LARGE1: variants seen among roughly 807,000 people sequenced by gnomAD.
The protein encoded by LARGE1 is xylosyl- and glucuronyltransferase LARGE1.
In LARGE1, 43 loss-of-function variants were observed where a neutral mutation model predicts 87.6. The observed-to-expected ratio is 0.49, with a 90% CI of 0.38 to 0.63. The LOEUF is 0.63. Among genes scored for constraint, LARGE1 ranks in the 30% least tolerant of loss-of-function variants. The pLI is 0.00. For synonymous variants in LARGE1, 434 were observed against 394.6 expected (o/e 1.10, Z -1.18); for missense variants, 802 against 1,000.2 (o/e 0.80, Z 2.67).
intron 2 of LARGE1, among the ~76,000 whole-genome samples, chr22:33,738,244 G>A (rs2083732434): frequency 6.6e-6 from 1 of 152,188 alleles, no homozygotes; most frequent in Non-Finnish European, 1.5e-5. Context: ...CCCAACCCAG[G>A]TGTGCTCAAA....
chr22:33,537,115 G>A (rs1360327128), intron 6 of LARGE1, among the ~76,000 whole-genome samples: 2 of 152,178 alleles, frequency 1.3e-5, no homozygotes, highest in Non-Finnish European at 2.9e-5. Flanking sequence ...CCAGTGAAAG[G>A]CCATTTAAAG....
chr22:33,920,841 C>A (rs1353334931), upstream of LARGE1, among the ~76,000 whole-genome samples: 1 of 144,764 alleles, frequency 6.9e-6, no homozygotes, highest in Non-Finnish European at 1.5e-5. Flanking sequence ...CGCGGGCAGC[C>A]GGGCGCCGCT....
intron 2 of LARGE1, among the ~76,000 whole-genome samples, chr22:33,715,819 T>C (rs2149420405): frequency 6.6e-6 from 1 of 152,290 alleles, no homozygotes; most frequent in East Asian, 1.9e-4. Flanking sequence ...GCTCACAGGA[T>C]CACAGACATC....
chr22:33,904,270 CT>C (rs2065369650), intron 1 of LARGE1, among the ~76,000 whole-genome samples: 1 of 152,154 alleles, frequency 6.6e-6, no homozygotes, highest in Admixed American at 6.5e-5. Context: ...ATTCTCCTGC[CT>C]CAGCCTCCTG....
At chr22:33,354,370 T>G (rs1275050656) in intron 9 of LARGE1, among the ~76,000 whole-genome samples, 1 of 152,172 alleles carries the variant, frequency 6.6e-6, no homozygotes, top group Non-Finnish European at 1.5e-5. Context: ...AAAATTACAG[T>G]CTTCACTTAA....
intron 2 of LARGE1, among the ~76,000 whole-genome samples, chr22:33,755,763 C>T (rs1015029586): frequency 6.6e-5 from 10 of 152,140 alleles, no homozygotes; most frequent in African/African-American, 2.4e-4. Context: ...ACAGTCCTAC[C>T]CAGGGAACAT....
intron 6 of LARGE1, among the ~76,000 whole-genome samples, chr22:33,508,329 C>G (rs1297915025): frequency 6.6e-6 from 1 of 152,206 alleles, no homozygotes; most frequent in Non-Finnish European, 1.5e-5. Context: ...CTGCCAACTT[C>G]AAGGAGCACA....
At chr22:33,771,459 C>T (rs931788671) in intron 1 of LARGE1, among the ~76,000 whole-genome samples, 2 of 152,154 alleles carry the variant, frequency 1.3e-5, no homozygotes, top group African/African-American at 4.8e-5. Context: ...AATGCTACTG[C>T]CTTTCTCTAG....
At chr22:33,893,821 A>G (rs1057108320) in intron 1 of LARGE1, among the ~76,000 whole-genome samples, 5 of 152,204 alleles carry the variant, frequency 3.3e-5, no homozygotes, top group Non-Finnish European at 5.9e-5. Context: ...ACGTTTAACC[A>G]TGAACTCTAA....
intron 2 of LARGE1, among the ~76,000 whole-genome samples, chr22:33,697,903 C>A (rs1268434038): frequency 2.0e-5 from 3 of 152,148 alleles, no homozygotes; most frequent in Non-Finnish European, 4.4e-5. Flanking sequence ...GTTTCTTAGG[C>A]AGCACAAAGA....
At chr22:33,159,435 C>T (rs992809749), downstream of LARGE1, among the ~76,000 whole-genome samples, 1 of 151,822 alleles carries the variant, frequency 6.6e-6, no homozygotes, top group African/African-American at 2.4e-5. Context: ...ATTTAAGGTC[C>T]CTAGTGTGCA....
At chr22:33,487,042 G>A (rs1214381648) in intron 6 of LARGE1, among the ~76,000 whole-genome samples, 2 of 152,204 alleles carry the variant, frequency 1.3e-5, no homozygotes, top group African/African-American at 4.8e-5. Context: ...ATGAGTGACT[G>A]CAGCCTAAGT....
the LARGE1 span, among the ~76,000 whole-genome samples, chr22:33,104,883 T>TTC: frequency 1.1e-3 from 55 of 48,854 alleles, no homozygotes; most frequent in South Asian, 2.1e-3. Context: ...TCAATAGACT[T>TTC]TCTCTCTCTT....
chr22:33,445,026 C>T (rs1050701535), intron 6 of LARGE1, among the ~76,000 whole-genome samples: 4 of 152,240 alleles, frequency 2.6e-5, no homozygotes, highest in South Asian at 2.1e-4. Context: ...GACGCGGTTT[C>T]GCCATGTCAG....
chr22:33,449,480 AG>A, intron 6 of LARGE1, among the ~76,000 whole-genome samples: 1 of 152,360 alleles, frequency 6.6e-6, no homozygotes, highest in Admixed American at 6.5e-5. Flanking sequence ...TCAATGTAGC[AG>A]AATTTTCTAG....
At chr22:33,812,730 C>A (rs2086535669) in intron 1 of LARGE1, among the ~76,000 whole-genome samples, 1 of 152,210 alleles carries the variant, frequency 6.6e-6, no homozygotes, top group African/African-American at 2.4e-5. Flanking sequence ...AGTCAAGCCT[C>A]AACAGCTGTC....
chr22:33,921,362 C>T (rs2065946741), upstream of LARGE1, among the ~76,000 whole-genome samples: 1 of 152,234 alleles, frequency 6.6e-6, no homozygotes, highest in Non-Finnish European at 1.5e-5. This position sits in a 1 kb window ranked among gnomAD's most constrained non-coding sequence, Gnocchi z 4.1. Flanking sequence ...CTTGGCGTGC[C>T]TCGCGGAAAA....
intron 6 of LARGE1, among the ~76,000 whole-genome samples, chr22:33,469,546 T>C (rs999725442): frequency 2.0e-5 from 3 of 152,146 alleles, no homozygotes; most frequent in Admixed American, 6.5e-5. Flanking sequence ...AGAATAAGGA[T>C]AGAAAAACTA....
intron 6 of LARGE1, among the ~76,000 whole-genome samples, chr22:33,465,805 A>C (rs573459300): frequency 6.6e-6 from 1 of 152,218 alleles, no homozygotes; most frequent in Admixed American, 6.5e-5. Flanking sequence ...TGTGGCTCAC[A>C]ACAGGAATCT....
Sources: gnomAD v4.1 joint callset for allele counts (sites outside exome capture counted in the v4.1 genomes callset) on GRCh38, gnomAD v4.1.1 for gene constraint, Gnocchi (gnomAD v3.1) non-coding constraint, MANE v1.5 for transcripts, NCBI Gene and HGNC (gene_info 2026-07-23, HGNC 2026-07-21) for gene names.